Variants in SMURF2 observed in about 807,000 individuals in gnomAD.
The protein encoded by SMURF2 is SMAD specific E3 ubiquitin protein ligase 2.
SMURF2 carries 48 observed loss-of-function variants against 109.6 expected under a neutral mutation model. The ratio of observed to expected loss-of-function variants is 0.44; its 90% CI spans 0.35 to 0.56. The LOEUF (loss-of-function observed/expected upper bound fraction) is 0.56. Among genes scored for constraint, SMURF2 ranks in the 20% least tolerant of loss-of-function variants. SMURF2 has a pLI of 0.01. For synonymous variants in SMURF2, 288 were observed against 317.1 expected, an observed-to-expected ratio of 0.91 and a Z score of 0.97; for missense variants, 575 against 909.0, an observed-to-expected ratio of 0.63 and a Z score of 4.72.
At chr17:64,566,108 ACCC>A (rs782392682) in intron 10 of SMURF2, among the ~76,000 whole-genome samples, 31 of 151,460 alleles carry the variant, frequency 2.0e-4, no homozygotes, top group South Asian at 1.0e-3. Context: ...CTAAAGAAAA[ACCC>A]CCCAATTTAA....
chr17:64,632,526 GAAAC>G (rs530608240), intron 1 of SMURF2, among the ~76,000 whole-genome samples: 51 of 152,240 alleles, frequency 3.3e-4, no homozygotes, highest in Middle Eastern at 3.4e-3. Context: ...AGATGGGCAG[GAAAC>G]AAACAAACAA....
intron 1 of SMURF2, among the ~76,000 whole-genome samples, chr17:64,648,226 C>T (rs1032232151): frequency 5.7e-4 from 87 of 151,912 alleles, no homozygotes; most frequent in African/African-American, 1.9e-3. Flanking sequence ...GATGATAATC[C>T]AGCAACAGAT....
At chr17:64,595,885 T>G (rs1268997734) in intron 3 of SMURF2, among the ~76,000 whole-genome samples, 2 of 152,024 alleles carry the variant, frequency 1.3e-5, no homozygotes, top group Non-Finnish European at 2.9e-5. Flanking sequence ...AAACTTCCAG[T>G]GGAAAACAAC....
intron 1 of SMURF2, among the ~76,000 whole-genome samples, chr17:64,644,721 GGC>G (rs1970537761): frequency 6.6e-6 from 1 of 152,004 alleles, no homozygotes; most frequent in Admixed American, 6.6e-5. Flanking sequence ...AGACCAGCCT[GGC>G]CAACATGGCG....
At chr17:64,555,785 G>GT in intron 14 of SMURF2, 35 bp downstream of exon 14, 1 of 1,418,610 alleles carries the variant, frequency 7.0e-7, no homozygotes, top group Non-Finnish European at 9.5e-7. Flanking sequence ...AAAGCTCAGA[G>GT]TTTATAATGA....
At chr17:64,603,846 T>C (rs1969932966) in intron 2 of SMURF2, among the ~76,000 whole-genome samples, 1 of 152,126 alleles carries the variant, frequency 6.6e-6, no homozygotes, top group African/African-American at 2.4e-5. Context: ...CACATACAAA[T>C]TACTCTTCAA....
intron 1 of SMURF2, among the ~76,000 whole-genome samples, chr17:64,621,979 TAATAATAAA>T (rs1354266651): frequency 1.3e-3 from 189 of 143,742 alleles, no homozygotes; most frequent in African/African-American, 4.2e-3. Context: ...ATAATAATAA[TAATAATAAA>T]AAAAAGCACT....
intron 1 of SMURF2, among the ~76,000 whole-genome samples, chr17:64,647,855 A>C (rs1393545096): frequency 6.6e-6 from 1 of 151,834 alleles, no homozygotes; most frequent in East Asian, 1.9e-4. Context: ...CCAGAGTTCA[A>C]GACCATCCTG....
At chr17:64,583,368 G>GA (rs1969602936) in intron 7 of SMURF2, 93 bp downstream of exon 7, 37 of 1,067,634 alleles carry the variant, frequency 3.5e-5, no homozygotes, top group Middle Eastern at 2.0e-4. Flanking sequence ...CAAAAACCAA[G>GA]AAAAAAAATC....
At chr17:64,552,364 T>A (rs1352773991) in intron 15 of SMURF2, among the ~76,000 whole-genome samples, 5 of 152,202 alleles carry the variant, frequency 3.3e-5, no homozygotes, top group Admixed American at 6.5e-5. Flanking sequence ...CAAGAAAACT[T>A]CTCCATCTCA....
At chr17:64,596,323 T>C (rs1327945003) in intron 3 of SMURF2, among the ~76,000 whole-genome samples, 1 of 151,794 alleles carries the variant, frequency 6.6e-6, no homozygotes, top group Non-Finnish European at 1.5e-5. Context: ...GCTAGGAAAT[T>C]TAAAATTATA....
rs1394180481 is a variant in SMURF2, at chr17:64,593,386, T to C, written c.334+54A>G. 43 of 1,514,660 alleles carry C rather than the reference T, an allele frequency of 2.8e-5. 1 individual carries two copies. The Middle Eastern group carries it at 7.4e-4, about 26-fold the overall frequency. The allele number at this position is 1,514,660 out of a possible 1,614,324, so 93.8% of individuals were successfully genotyped here. ...ATATATGTATATGCACAAATACATA[T>C]ACACACACACACATATATGTTTTTT... On this transcript the variant is annotated intron_variant, in intron 4 of 18. Transcript: ENST00000262435.
chr17:64,653,284 C>T (rs1970662618), intron 1 of SMURF2, among the ~76,000 whole-genome samples: 1 of 151,732 alleles, frequency 6.6e-6, no homozygotes, highest in African/African-American at 2.4e-5. Context: ...TAAATAAGTC[C>T]ATTAAAATGT....
At chr17:64,624,503 CAA>C (rs539075649) in intron 1 of SMURF2, among the ~76,000 whole-genome samples, 15 of 52,456 alleles carry the variant, frequency 2.9e-4, no homozygotes, top group Admixed American at 4.6e-4. Context: ...CAGGCCTCTA[CAA>C]AAAAAAAAAA....
rs199524677 is a variant in SMURF2 at position 64,546,219 on chromosome 17, C to T, written c.2147+44G>A. 179 of 1,576,192 alleles carry T rather than the reference C, an allele frequency of 1.1e-4. No individual in the cohort carries two copies. In the East Asian group the frequency reaches 2.5e-3, roughly 22 times the overall value. ...AAGTCAAATCTGTTTGGAACTAACA[C>T]TTATGTACATGGAATGGGGAATACA... On this transcript the variant is annotated intron_variant, in intron 18 of 18. Transcript: ENST00000262435.
chr17:64,626,302 T>C (rs942423302), intron 1 of SMURF2, among the ~76,000 whole-genome samples: 1 of 151,312 alleles, frequency 6.6e-6, no homozygotes, highest in African/African-American at 2.4e-5. Context: ...TACATATTCA[T>C]GAAGGGTCAT....
chr17:64,597,821 T>A (rs1402467200), intron 3 of SMURF2, among the ~76,000 whole-genome samples: 1 of 150,816 alleles, frequency 6.6e-6, no homozygotes, highest in African/African-American at 2.4e-5. Context: ...TGTGATGCTA[T>A]AAAATAAAAT....
intron 1 of SMURF2, among the ~76,000 whole-genome samples, chr17:64,631,938 T>C (rs1970353039): frequency 7.0e-6 from 1 of 142,088 alleles, no homozygotes; most frequent in African/African-American, 2.7e-5. Flanking sequence ...ACCCTAGTAT[T>C]ATTCTAAGAC....
chr17:64,662,092 G>C lies in SMURF2; in HGVS notation c.-212C>G, dbSNP rs1327257353. The C allele has an allele frequency of 2.8e-6, 3 of 1,068,936 alleles. No homozygotes were observed. Among genetic ancestry groups the C allele is most frequent in the Non-Finnish European group, 3.4e-6 (3 of 884,410 alleles). The allele number at this position is 1,068,936 out of a possible 1,614,324, so 66.2% of individuals were successfully genotyped here. A position where few individuals can be genotyped will look rare whatever the true frequency, so the allele number is the denominator to read the frequency against. On this transcript the variant is annotated 5_prime_UTR_variant, in exon 1 of 19. Coordinates refer to ENST00000262435, the MANE Select transcript of SMURF2 (RefSeq NM_022739.4). Reference sequence around the variant, plus strand: ...CCCCTCCTCCCACTTCTCCTTCCTCGGCCCGGGCCGCACAACAAAGCGGCA... The same window carrying C: ...CCCCTCCTCCCACTTCTCCTTCCTCCGCCCGGGCCGCACAACAAAGCGGCA...
Sources: allele counts gnomAD v4.1 joint callset (sites outside exome capture counted in the v4.1 genomes callset), GRCh38; gene constraint gnomAD v4.1.1; transcripts MANE v1.5; gene names NCBI Gene and HGNC (gene_info 2026-07-23, HGNC 2026-07-21).